HERC3: variants seen among roughly 807,000 people sequenced by gnomAD.
HERC3 encodes probable E3 ubiquitin-protein ligase HERC3.
A neutral mutation model predicts 129.9 loss-of-function variants in HERC3; 58 were observed. The observed-to-expected ratio is 0.45, with a 90% CI of 0.36 to 0.56. The LOEUF is 0.56. HERC3 is among the 20% of genes least tolerant of loss of function. The pLI is 0.00. For missense variants in HERC3, 835 were observed against 1,244.2 expected (o/e 0.67, Z 4.95); for synonymous variants, 430 against 451.0 (o/e 0.95, Z 0.59).
chr4:88,628,964 A>G (rs1196572006), intron 3 of HERC3, among the ~76,000 whole-genome samples: 4 of 152,318 alleles, frequency 2.6e-5, no homozygotes, highest in Admixed American at 2.6e-4. Context: ...GCTTGAGGCC[A>G]GGAATTTGAG....
intron 16 of HERC3, among the ~76,000 whole-genome samples, chr4:88,673,026 A>G (rs1297917237): frequency 6.6e-6 from 1 of 152,182 alleles, no homozygotes; most frequent in Non-Finnish European, 1.5e-5. Context: ...TTTAAAGAAG[A>G]GGTGGTAGTG....
the HERC3 span, among the ~76,000 whole-genome samples, chr4:88,581,970 A>C: frequency 2.0e-5 from 3 of 152,176 alleles, no homozygotes; most frequent in Non-Finnish European, 4.4e-5. Flanking sequence ...TATTCAGTGG[A>C]ATCATCAAGA....
chr4:88,530,480 G>A, the HERC3 span, among the ~76,000 whole-genome samples: 1 of 152,200 alleles, frequency 6.6e-6, no homozygotes. Context: ...TAAGGCCTAA[G>A]GAGGGCTTAG....
chr4:88,653,967 T>A, intron 6 of HERC3, 75 bp from the exon 7 acceptor site: 1 of 1,103,342 alleles, frequency 9.1e-7, no homozygotes, highest in Non-Finnish European at 1.4e-6. Context: ...AATCCAAAAT[T>A]CATGCCAAGA....
the HERC3 span, chr4:88,523,973 G>C: frequency 8.9e-6 from 4 of 451,442 alleles, no homozygotes; most frequent in Admixed American, 8.5e-5. Flanking sequence ...AACTAAACCA[G>C]TGTTTAAGTC....
rs1731877862 is a variant in HERC3 at position 88,673,924 on chromosome 4, C to T, written c.1912-2294C>T. The stretch of plus-strand genomic sequence containing the variant: ...TTTGTAAGGCTTCCATATCTTCCTG[C>T]CTGCCTTGCTGGCTCACCTGAGACT... On this transcript the variant is annotated intron_variant, in intron 16 of 25. Transcript: ENST00000402738. Among the ~76,000 whole-genome samples the T allele has an allele frequency of 3.3e-5, 5 of 152,158 alleles. No individual in the cohort carries two copies. In the South Asian group the frequency reaches 1.0e-3, roughly 31 times the overall value.
the HERC3 span, among the ~76,000 whole-genome samples, chr4:88,557,378 C>G: frequency 2.0e-5 from 3 of 152,172 alleles, no homozygotes; most frequent in Non-Finnish European, 2.9e-5. Flanking sequence ...CTAAATTTCA[C>G]TTACATGGGT....
chr4:88,552,057 T>C, the HERC3 span, among the ~76,000 whole-genome samples: 1 of 150,188 alleles, frequency 6.7e-6, no homozygotes, highest in African/African-American at 2.5e-5. Flanking sequence ...TACCGCATGT[T>C]CTCACTCATA....
intron 5 of HERC3, 33 bp downstream of exon 5, chr4:88,652,121 G>A: frequency 1.4e-6 from 2 of 1,437,586 alleles, no homozygotes; most frequent in Non-Finnish European, 2.0e-6. Flanking sequence ...CTAATGCTAT[G>A]TTAATTTTGA....
the HERC3 span, among the ~76,000 whole-genome samples, chr4:88,575,517 A>G: frequency 6.6e-6 from 1 of 152,240 alleles, no homozygotes. Context: ...ACTCTCTACA[A>G]CAATAGAATT....
At chr4:88,662,778 A>G (rs552235971) in intron 11 of HERC3, among the ~76,000 whole-genome samples, 4 of 152,112 alleles carry the variant, frequency 2.6e-5, no homozygotes, top group Non-Finnish European at 4.4e-5. Context: ...ATATGCCTCA[A>G]CCTGCCTTGT....
intron 23 of HERC3, chr4:88,697,808 C>G: frequency 1.3e-6 from 2 of 1,528,028 alleles, no homozygotes; most frequent in Non-Finnish European, 1.8e-6. Context: ...GCCCTGCACC[C>G]GAGCTGGTCC....
chr4:88,596,552 A>G (rs543098740), intron 2 of HERC3, among the ~76,000 whole-genome samples: 29 of 152,302 alleles, frequency 1.9e-4, no homozygotes, highest in Admixed American at 7.2e-4. Flanking sequence ...GATGAGTAAA[A>G]CCTGGTTCCT....
intron 3 of HERC3, among the ~76,000 whole-genome samples, chr4:88,644,722 T>A (rs965217270): frequency 6.6e-6 from 1 of 152,144 alleles, no homozygotes; most frequent in Non-Finnish European, 1.5e-5. Context: ...TGTGTTTGAA[T>A]TCATAGACTT....
chr4:88,662,644 A>G (rs1730611256), intron 11 of HERC3, 89 bp downstream of exon 11: 1 of 1,324,164 alleles, frequency 7.6e-7, no homozygotes, highest in Admixed American at 2.2e-5. Flanking sequence ...GCATATTGAT[A>G]CTGTGAATGT....
At chr4:88,605,005 T>C (rs182804543) in intron 2 of HERC3, among the ~76,000 whole-genome samples, 33 of 152,218 alleles carry the variant, frequency 2.2e-4, no homozygotes, top group Non-Finnish European at 4.7e-4. Flanking sequence ...AACTTTAGGC[T>C]AGGGTCAGTA....
At chr4:88,608,871 C>T (rs765489959) in intron 3 of HERC3, among the ~76,000 whole-genome samples, 3 of 152,132 alleles carry the variant, frequency 2.0e-5, no homozygotes, top group Non-Finnish European at 4.4e-5. Flanking sequence ...CTCTAGCCAG[C>T]CTTTGAAGGG....
At chr4:88,677,927 GCT>G in intron 18 of HERC3, 35 bp from the exon 19 acceptor site, 1 of 1,594,318 alleles carries the variant, frequency 6.3e-7, no homozygotes, top group Non-Finnish European at 8.5e-7. Context: ...TCACACGTGT[GCT>G]CTGAGTAATT....
chr4:88,629,330 A>AT (rs1158756993), intron 3 of HERC3, among the ~76,000 whole-genome samples: 1 of 152,064 alleles, frequency 6.6e-6, no homozygotes, highest in African/African-American at 2.4e-5. Flanking sequence ...TCTTTCCAGT[A>AT]TTTTTCTTAA....
Sources: allele counts gnomAD v4.1 joint callset (sites outside exome capture counted in the v4.1 genomes callset), GRCh38; gene constraint gnomAD v4.1.1; transcripts MANE v1.5; gene names NCBI Gene and HGNC (gene_info 2026-07-23, HGNC 2026-07-21).